Variants in CDK15 observed in about 807,000 individuals in gnomAD.
CDK15 encodes cyclin-dependent kinase 15.
A neutral mutation model predicts 60.3 loss-of-function variants in CDK15; 62 were observed. The ratio of observed to expected loss-of-function variants is 1.03; its 90% CI spans 0.84 to 1.27. The LOEUF is 1.27. Ranked by LOEUF, CDK15 falls within the 50% of genes most tolerant of loss-of-function variation. The pLI, the probability that CDK15 is intolerant of heterozygous loss-of-function variation, is 0.00. For missense variants in CDK15, 541 were observed against 527.8 expected (o/e 1.03, Z -0.25); for synonymous variants, 194 against 195.7 (o/e 0.99, Z 0.07).
In CDK15 at chr2:201,879,958, G is replaced by A. The variant is rs141349982; in HGVS notation, c.1059-70G>A. 1.6e-3 allele frequency: 2,473 copies of A among 1,558,418 alleles called. 32 individuals are homozygous for A. In the African/African-American group the frequency reaches 0.03, roughly 19 times the overall value. ...AGCCATCTCCTTTTCTTTACTTTTTGTTTTTATCCCTTTGTTTTTCAGAAG... is the reference window on the plus strand; with the variant it reads ...AGCCATCTCCTTTTCTTTACTTTTTATTTTTATCCCTTTGTTTTTCAGAAG... On this transcript the variant is annotated intron_variant, in intron 11 of 13. Coordinates refer to ENST00000652192, the MANE Select transcript of CDK15 (RefSeq NM_001366386.2).
rs771768414 is a variant in CDK15 at position 201,860,807 on chromosome 2, C to G, written c.1009+5870C>G. Reference sequence around the variant, plus strand: ...CAGCATCGTACTGCAGCAATGCAGCCTTGTTCTAGGAATGTCTCATTTTGA... The same window carrying G: ...CAGCATCGTACTGCAGCAATGCAGCGTTGTTCTAGGAATGTCTCATTTTGA... On this transcript the variant is annotated intron_variant, in intron 10 of 13. Coordinates refer to ENST00000652192, the MANE Select transcript of CDK15 (RefSeq NM_001366386.2). 4 of 1,352,180 alleles carry G rather than the reference C, an allele frequency of 3.0e-6. No individual in the cohort carries two copies. The Admixed American group carries it at 7.6e-5, about 26-fold the overall frequency. The allele number at this position is 1,352,180 out of a possible 1,614,324, so 83.8% of individuals were successfully genotyped here.
chr2:201,868,599 C>A (rs1698726256), intron 10 of CDK15, among the ~76,000 whole-genome samples: 1 of 151,972 alleles, frequency 6.6e-6, no homozygotes, highest in Non-Finnish European at 1.5e-5. Context: ...TGAGGGTTGC[C>A]CCTACAGAAT....
At chr2:201,828,700 G>T (rs1239928437) in intron 6 of CDK15, among the ~76,000 whole-genome samples, 2 of 152,188 alleles carry the variant, frequency 1.3e-5, no homozygotes, top group East Asian at 3.8e-4. Flanking sequence ...AGTGAATGTG[G>T]GAAGGGGCAC....
chr2:201,892,381 T>C (rs933592394), intron 13 of CDK15, among the ~76,000 whole-genome samples: 2 of 152,220 alleles, frequency 1.3e-5, no homozygotes, highest in Non-Finnish European at 2.9e-5. Flanking sequence ...CCATTAACAT[T>C]ATTATTATTT....
chr2:201,881,184 C>T (rs1043266301), intron 12 of CDK15, among the ~76,000 whole-genome samples: 2 of 152,178 alleles, frequency 1.3e-5, no homozygotes, highest in Admixed American at 6.5e-5. Flanking sequence ...TTTGCAGACG[C>T]AGCTCCTCTG....
intron 4 of CDK15, among the ~76,000 whole-genome samples, chr2:201,820,316 A>G (rs978897675): frequency 1.3e-5 from 2 of 152,220 alleles, no homozygotes; most frequent in African/African-American, 4.8e-5. Context: ...GAAACATACC[A>G]TAAACAAGAT....
intron 10 of CDK15, among the ~76,000 whole-genome samples, chr2:201,855,826 T>TC (rs1276229650): frequency 2.9e-5 from 4 of 136,624 alleles, no homozygotes; most frequent in Admixed American, 2.9e-4. Flanking sequence ...TGTCCTTACT[T>TC]TTTTTTTTTT....
intron 9 of CDK15, among the ~76,000 whole-genome samples, chr2:201,849,894 G>A (rs1030704523): frequency 1.3e-5 from 2 of 151,624 alleles, no homozygotes; most frequent in South Asian, 2.1e-4. Flanking sequence ...GTGCCATCTC[G>A]GCTCACTGCA....
At chr2:201,807,182 AAATT>A (rs1021260087) in intron 1 of CDK15, among the ~76,000 whole-genome samples, 14 of 152,176 alleles carry the variant, frequency 9.2e-5, no homozygotes, top group African/African-American at 2.9e-4. Flanking sequence ...CTACAGCAAT[AAATT>A]AAGTGGACAT....
At chr2:201,857,645 G>A (rs898920227) in intron 10 of CDK15, among the ~76,000 whole-genome samples, 1 of 152,170 alleles carries the variant, frequency 6.6e-6, no homozygotes, top group African/African-American at 2.4e-5. Context: ...GGAGCAAAGG[G>A]AGTTGGAACC....
chr2:201,874,597 G>A (rs1338115072), intron 11 of CDK15, among the ~76,000 whole-genome samples: 2 of 152,140 alleles, frequency 1.3e-5, no homozygotes, highest in African/African-American at 4.8e-5. Flanking sequence ...CAGATGTGGC[G>A]AGTAACAAGC....
At chr2:201,844,623 A>G (rs925249307) in intron 8 of CDK15, among the ~76,000 whole-genome samples, 2 of 152,226 alleles carry the variant, frequency 1.3e-5, no homozygotes, top group African/African-American at 4.8e-5. Context: ...CTTGTGTCAC[A>G]TATCAAGATG....
chr2:201,854,435 C>A (rs1461395533), intron 9 of CDK15, among the ~76,000 whole-genome samples: 1 of 152,214 alleles, frequency 6.6e-6, no homozygotes, highest in East Asian at 1.9e-4. Context: ...AATACCCATG[C>A]TGAGGCATAA....
At chr2:201,817,748 T>C (rs1042031169) in intron 4 of CDK15, among the ~76,000 whole-genome samples, 3 of 152,208 alleles carry the variant, frequency 2.0e-5, no homozygotes, top group African/African-American at 7.2e-5. Flanking sequence ...AAGTCTGCCA[T>C]TGAACACCAT....
rs551784360 is a variant in CDK15, at chr2:201,868,195, G to A, written c.1010-4083G>A. Among the ~76,000 whole-genome samples, 85 of 152,204 alleles carry A rather than the reference G, an allele frequency of 5.6e-4. No individual in the cohort carries two copies. In the Middle Eastern group the frequency reaches 0.01, roughly 18 times the overall value. ...AGAAACACCTGAGTGGGAGAGAGAG[G>A]GATGTTATGTCAGAAAGGGAGAGAA... On this transcript the variant is annotated intron_variant, in intron 10 of 13. Transcript: ENST00000652192.
chr2:201,893,109 T>C (rs1469980086), intron 13 of CDK15, among the ~76,000 whole-genome samples, 192 bp from the exon 14 acceptor site: 1 of 152,156 alleles, frequency 6.6e-6, no homozygotes, highest in Non-Finnish European at 1.5e-5. Flanking sequence ...TGGAGATAGA[T>C]TTTGATTATT....
chr2:201,860,845 T>A, intron 10 of CDK15: 1 of 1,352,146 alleles, frequency 7.4e-7, no homozygotes. Flanking sequence ...TTAAATCCAG[T>A]GTGAGAGCTT....
At position 201,833,290 on chromosome 2, in the gene CDK15, T is replaced by G. The variant is rs114057783; in HGVS notation, c.607-558T>G. Among the ~76,000 whole-genome samples the G allele has an allele frequency of 4.8e-3, 725 of 152,276 alleles. 4 individuals carry two copies. Among genetic ancestry groups the G allele is most frequent in the African/African-American group, 0.017 (707 of 41,544 alleles). ...ATTTCCCTTGTTTTCAACTTTGAAT[T>G]TAAGACTTTAAAAATAGCTTTAAAA... On this transcript the variant is annotated intron_variant, in intron 6 of 13. Transcript: ENST00000652192.
intron 12 of CDK15, chr2:201,889,284 G>A: frequency 1.0e-6 from 1 of 985,356 alleles, no homozygotes; most frequent in Non-Finnish European, 1.2e-6. Flanking sequence ...TGCAAATTGT[G>A]AACCTGGGAA....
Sources: gnomAD v4.1 joint callset for allele counts (sites outside exome capture counted in the v4.1 genomes callset) on GRCh38, gnomAD v4.1.1 for gene constraint, MANE v1.5 for transcripts, NCBI Gene and HGNC (gene_info 2026-07-23, HGNC 2026-07-21) for gene names.